Variants in SLC10A7 observed in about 807,000 individuals in gnomAD.
SLC10A7 encodes the protein solute carrier family 10 member 7, also known as sodium/bile acid cotransporter 7.
SLC10A7 carries 29 observed loss-of-function variants against 43.2 expected under a neutral mutation model. The observed-to-expected ratio is 0.67, with a 90% CI of 0.50 to 0.92. The LOEUF is 0.92. Among genes scored for constraint, SLC10A7 ranks in the 40% least tolerant of loss-of-function variants. The pLI, the probability that SLC10A7 is intolerant of heterozygous loss-of-function variation, is 0.00. For missense variants in SLC10A7, 295 were observed against 403.2 expected (o/e 0.73, Z 2.30); for synonymous variants, 152 against 144.8 (o/e 1.05, Z -0.35).
At chr4:146,471,647 C>T (rs1428001169) in intron 4 of SLC10A7, among the ~76,000 whole-genome samples, 3 of 152,106 alleles carry the variant, frequency 2.0e-5, no homozygotes, top group Admixed American at 6.5e-5. Context: ...AATTAAATAT[C>T]GTCATTATGG....
At chr4:146,332,012 T>G (rs1298262803) in intron 5 of SLC10A7, among the ~76,000 whole-genome samples, 1 of 152,052 alleles carries the variant, frequency 6.6e-6, no homozygotes, top group African/African-American at 2.4e-5. Flanking sequence ...CTGAGAAAAC[T>G]TTTAGAAAGA....
Position 146,293,970 on chromosome 4 carries a change from A to G in SLC10A7, c.681T>C (p.Ile227=). The G allele has an allele frequency of 6.2e-7, 1 of 1,613,382 alleles. No individual in the cohort carries two copies. Among genetic ancestry groups the G allele is most frequent in the Middle Eastern group, 1.7e-4 (1 of 6,060 alleles). Residue 227 remains isoleucine (I), a synonymous_variant, in exon 8 of 12, where the codon ATT becomes ATC. Coordinates refer to ENST00000335472, the MANE Select transcript of SLC10A7 (RefSeq NM_001029998.6). ...TFCDTFSNPN[I]DLDKFSLVLI... is the part of the protein sequence containing the mutation. The stretch of plus-strand genomic sequence containing the variant: ...GAACAAGGCTGAATTTATCCAGGTC[A>G]ATATTTGGGTTAGAGAACGTGTCAC...
intron 3 of SLC10A7, among the ~76,000 whole-genome samples, chr4:146,508,518 T>G (rs575603780): frequency 6.6e-6 from 1 of 152,344 alleles, no homozygotes; most frequent in East Asian, 1.9e-4. Flanking sequence ...ATTTCCACCA[T>G]GCCTCCTAAC....
chr4:146,369,493 GA>G (rs2149776006), intron 5 of SLC10A7, among the ~76,000 whole-genome samples: 1 of 152,254 alleles, frequency 6.6e-6, no homozygotes, highest in South Asian at 2.1e-4. Context: ...TGATAAAACA[GA>G]TGGATTATCT....
At chr4:146,268,414 C>G (rs1425657182) in intron 10 of SLC10A7, among the ~76,000 whole-genome samples, 1 of 152,168 alleles carries the variant, frequency 6.6e-6, no homozygotes. Context: ...AAGGAACGAT[C>G]TTTCCAGTAA....
intron 5 of SLC10A7, among the ~76,000 whole-genome samples, chr4:146,373,976 A>G (rs2679144): frequency 0.31 from 46,526 of 152,012 alleles, 7,502 homozygotes; most frequent in African/African-American, 0.42. Flanking sequence ...CAGTATGTAC[A>G]GATTGGTTAC....
chr4:146,374,993 G>A (rs776462341), intron 5 of SLC10A7, among the ~76,000 whole-genome samples: 3 of 152,046 alleles, frequency 2.0e-5, no homozygotes, highest in Non-Finnish European at 4.4e-5. Context: ...ATCACCTGAG[G>A]TCAGGAGTTC....
At chr4:146,270,167 C>T (rs924251037) in intron 10 of SLC10A7, among the ~76,000 whole-genome samples, 1 of 152,174 alleles carries the variant, frequency 6.6e-6, no homozygotes, top group African/African-American at 2.4e-5. Flanking sequence ...TCCTGATAAT[C>T]TACTCTTGGC....
At chr4:146,477,597 A>C (rs1734137289) in intron 4 of SLC10A7, among the ~76,000 whole-genome samples, 1 of 152,202 alleles carries the variant, frequency 6.6e-6, no homozygotes. Flanking sequence ...AAACAGGTAA[A>C]GGATAACAAG....
At chr4:146,318,103 G>A (rs1323172990) in intron 6 of SLC10A7, among the ~76,000 whole-genome samples, 2 of 151,842 alleles carry the variant, frequency 1.3e-5, no homozygotes, top group African/African-American at 2.4e-5. Context: ...GGGTTAATCC[G>A]ATTGACACAA....
At chr4:146,443,463 T>C (rs1183034837) in intron 4 of SLC10A7, among the ~76,000 whole-genome samples, 2 of 152,230 alleles carry the variant, frequency 1.3e-5, no homozygotes, top group Non-Finnish European at 2.9e-5. Context: ...AGACGTAATA[T>C]AGCTCTTAAT....
intron 5 of SLC10A7, among the ~76,000 whole-genome samples, chr4:146,405,024 C>A (rs1192180754): frequency 6.6e-6 from 1 of 152,102 alleles, no homozygotes; most frequent in Non-Finnish European, 1.5e-5. Flanking sequence ...AACAAGAAAT[C>A]ATGTTTATCA....
intron 4 of SLC10A7, among the ~76,000 whole-genome samples, chr4:146,448,329 TG>T (rs1329497322): frequency 3.9e-5 from 6 of 152,216 alleles, no homozygotes; most frequent in Non-Finnish European, 7.3e-5. Context: ...CTAAACGTTA[TG>T]TTCTACCTTA....
chr4:146,413,316 C>T (rs140873947), intron 5 of SLC10A7, among the ~76,000 whole-genome samples: 1 of 152,060 alleles, frequency 6.6e-6, no homozygotes, highest in East Asian at 1.9e-4. Flanking sequence ...ATAGGTTTCA[C>T]GTAATTTATT....
At chr4:146,332,768 T>C (rs1056377744) in intron 5 of SLC10A7, among the ~76,000 whole-genome samples, 4 of 152,172 alleles carry the variant, frequency 2.6e-5, no homozygotes, top group Non-Finnish European at 5.9e-5. Context: ...AAGAAAACTT[T>C]TAGTAATAAT....
intron 5 of SLC10A7, among the ~76,000 whole-genome samples, chr4:146,369,806 G>T (rs1736640310): frequency 6.6e-6 from 1 of 152,092 alleles, no homozygotes; most frequent in Admixed American, 6.6e-5. Flanking sequence ...AATATCAAAT[G>T]ATACTATAAG....
At chr4:146,462,620 C>T (rs576543081) in intron 4 of SLC10A7, among the ~76,000 whole-genome samples, 2 of 152,248 alleles carry the variant, frequency 1.3e-5, no homozygotes, top group South Asian at 4.1e-4. Context: ...AAAAGTAAAA[C>T]ACTAGTCAGT....
In SLC10A7 at chr4:146,494,118, T is replaced by C. The variant is rs115097829; in HGVS notation, c.396+9731A>G. On this transcript the variant is annotated intron_variant, in intron 4 of 11. Coordinates refer to ENST00000335472, the MANE Select transcript of SLC10A7 (RefSeq NM_001029998.6). ...TTACTTGATGTGTTCCCTCATAGTT[T>C]ACAAGTACTTCCACATATCAATGCA... is the stretch of plus-strand genomic sequence containing the variant. 1.6e-3 allele frequency among the ~76,000 whole-genome samples: 241 copies of C among 152,364 alleles called. 1 individual carries two copies. The highest frequency in any genetic ancestry group is 5.5e-3 in the African/African-American group (229 of 41,582).
intron 5 of SLC10A7, among the ~76,000 whole-genome samples, chr4:146,351,018 C>T (rs915803297): frequency 6.6e-6 from 1 of 150,724 alleles, no homozygotes; most frequent in Non-Finnish European, 1.5e-5. Context: ...AGCAACGGAA[C>T]AAAGCTGGAT....
Sources: gnomAD v4.1 joint callset for allele counts (sites outside exome capture counted in the v4.1 genomes callset) on GRCh38, gnomAD v4.1.1 for gene constraint, MANE v1.5 for transcripts, NCBI Gene and HGNC (gene_info 2026-07-23, HGNC 2026-07-21) for gene names.